Variants in MRPL58 observed in about 807,000 individuals in gnomAD.
MRPL58 encodes mitochondrial ribosomal protein L58.
MRPL58 carries 17 observed loss-of-function variants against 26.0 expected under a neutral mutation model. That is an observed-to-expected ratio of 0.65 (90% CI 0.45 to 0.98). MRPL58 has a LOEUF of 0.98. MRPL58 is among the 50% of genes least tolerant of loss of function. The pLI, the probability that MRPL58 is intolerant of heterozygous loss-of-function variation, is 0.00. For missense variants in MRPL58, 250 were observed against 269.0 expected (o/e 0.93, Z 0.49); for synonymous variants, 100 against 99.7 (o/e 1.00, Z -0.02).
At position 75,017,096 on chromosome 17, in the gene MRPL58, G is replaced by A. The variant is rs770089302; in HGVS notation, c.205G>A (p.Asp69Asn). ...WRVPNGAKQADSDIPLDRLTI... is the reference protein window; with the variant it reads ...WRVPNGAKQANSDIPLDRLTI... ...ATTACAGAATGGTGCAAAGCAAGCC[G>A]ACAGTGACATCCCTCTAGGTAAGTA... is the stretch of plus-strand genomic sequence containing the variant. The change falls in exon 2 of 6, where the codon GAC becomes AAC. Residue 69 changes from aspartate to asparagine, a missense_variant. Asp to Asn is a conservative substitution (Grantham distance 23, BLOSUM62 1). Transcript: ENST00000301585. 9.1e-5 allele frequency: 146 copies of A among 1,612,748 alleles called. 1 individual carries two copies. In the South Asian group the frequency reaches 1.4e-3, roughly 15 times the overall value.
At chr17:75,018,116 G>C (rs1275039850) in intron 2 of MRPL58, among the ~76,000 whole-genome samples, 1 of 142,366 alleles carries the variant, frequency 7.0e-6, no homozygotes, top group African/African-American at 2.6e-5. Context: ...TGAGTGTAGA[G>C]CTCTTGACAT....
chr17:75,019,912 T>C (rs956931728), intron 3 of MRPL58, among the ~76,000 whole-genome samples, 153 bp downstream of exon 3: 4 of 152,202 alleles, frequency 2.6e-5, no homozygotes, highest in Non-Finnish European at 5.9e-5. Flanking sequence ...TTCTTTTGAA[T>C]GTGGTCTGAT....
At chr17:75,013,786 A>C (rs982184973) in intron 1 of MRPL58, among the ~76,000 whole-genome samples, 2 of 152,230 alleles carry the variant, frequency 1.3e-5, no homozygotes, top group Admixed American at 1.3e-4. Context: ...ACCTGAAGGC[A>C]GTAGCAATCC....
intron 1 of MRPL58, among the ~76,000 whole-genome samples, chr17:75,013,810 AG>A (rs565697717): frequency 1.4e-3 from 211 of 152,344 alleles, no homozygotes; most frequent in Middle Eastern, 3.4e-3. Flanking sequence ...GGTGTGGCTC[AG>A]CAGGGGTCAG....
rs1276879724 is a variant in MRPL58, at chr17:75,021,183, C to T, written c.*178C>T. On this transcript the variant is annotated 3_prime_UTR_variant, in exon 6 of 6. Transcript: ENST00000301585. ...GAAGGCTGCAGGCACTGGTTGCAGACGTCTTTATAGGCAGTCACCATGTTG... is the reference window on the plus strand; with the variant it reads ...GAAGGCTGCAGGCACTGGTTGCAGATGTCTTTATAGGCAGTCACCATGTTG... 8.4e-6 allele frequency: 5 copies of T among 595,826 alleles called. No individual in the cohort carries two copies. The highest frequency in any genetic ancestry group is 1.2e-5 in the Non-Finnish European group (4 of 327,176). The allele number at this position is 595,826 out of a possible 1,614,324, so 36.9% of individuals were successfully genotyped here.
intron 1 of MRPL58, 101 bp downstream of exon 1, chr17:75,012,973 G>A (rs965218524): frequency 2.7e-5 from 30 of 1,115,060 alleles, no homozygotes; most frequent in Admixed American, 5.6e-5. Context: ...ACGTCGGGGG[G>A]CTACGTGATG....
chr17:75,019,928 G>C (rs566020024), intron 3 of MRPL58, among the ~76,000 whole-genome samples, 169 bp downstream of exon 3: 2 of 152,256 alleles, frequency 1.3e-5, no homozygotes, highest in African/African-American at 4.8e-5. Context: ...CTGATTCTCA[G>C]ACATTCAGCT....
chr17:75,020,546 A>G lies in MRPL58; in HGVS notation c.425A>G (p.Tyr142Cys), dbSNP rs2040008741. ...ATCCTCACCTCTGAGAGCAGCCGCT[A>G]TCAGTTCCGGAATCTGGCAGATTGC... is the stretch of plus-strand genomic sequence containing the variant. ...ELILTSESSR[Y>C]QFRNLADCLQ... Residue 142 changes from tyrosine to cysteine, a missense_variant, in exon 5 of 6, where the codon TAT becomes TGT. Physicochemically the swap from Tyr to Cys is radical, Grantham distance 194. Transcript: ENST00000301585. The G allele has an allele frequency of 5.0e-6, 8 of 1,613,754 alleles. No individual in the cohort carries two copies. In the East Asian group the frequency reaches 1.1e-4, roughly 22 times the overall value.
At chr17:75,016,255 A>G (rs1474341738) in intron 1 of MRPL58, among the ~76,000 whole-genome samples, 1 of 151,656 alleles carries the variant, frequency 6.6e-6, no homozygotes, top group African/African-American at 2.4e-5. Flanking sequence ...AATACAAAAA[A>G]AAAAAACAAC....
At chr17:75,017,040 G>A in intron 1 of MRPL58, 38 bp from the exon 2 acceptor site, 6 of 1,548,506 alleles carry the variant, frequency 3.9e-6, no homozygotes, top group Non-Finnish European at 5.4e-6. Flanking sequence ...TCACCCAGCA[G>A]GTAATATTTA....
intron 1 of MRPL58, among the ~76,000 whole-genome samples, chr17:75,013,488 C>T (rs1361370017): frequency 2.6e-5 from 4 of 152,154 alleles, no homozygotes; most frequent in Non-Finnish European, 5.9e-5. Context: ...GAGTAGCAAA[C>T]AAAATTGAAA....
intron 1 of MRPL58, 22 bp downstream of exon 1, chr17:75,012,894 G>A: frequency 1.3e-6 from 2 of 1,591,064 alleles, no homozygotes; most frequent in Non-Finnish European, 1.7e-6. Context: ...AGGACTGGAC[G>A]GAAGGGGCGT....
At chr17:75,019,586 GT>G (rs1314676465) in intron 2 of MRPL58, 113 bp from the exon 3 acceptor site, 1 of 1,018,336 alleles carries the variant, frequency 9.8e-7, no homozygotes, top group Non-Finnish European at 1.5e-6. Flanking sequence ...ACTTCTTGCA[GT>G]TTTTGAAATT....
chr17:75,016,635 CAG>C lies in MRPL58; in HGVS notation c.187-442_187-441del, dbSNP rs377588793. On this transcript the variant is annotated intron_variant, in intron 1 of 5. Transcript: ENST00000301585. ...GAGTAGTTAGTTTGACAGAAACCCT[CAG>C]GGTGCAATTATAGTCACTGTCCAAG... 5.2e-3 allele frequency among the ~76,000 whole-genome samples: 789 copies of C among 152,330 alleles called. 4 individuals are homozygous for C. The highest frequency in any genetic ancestry group is 0.02 in the Middle Eastern group (6 of 294).
Position 75,012,674 on chromosome 17 carries a change from G to C in MRPL58, c.-13G>C. Reference sequence around the variant, plus strand: ...GAGGAAGCGCCCGCCGGAAGCAGTCGCAAGACCTGAGCATGGCGGCCACCA... The same window carrying C: ...GAGGAAGCGCCCGCCGGAAGCAGTCCCAAGACCTGAGCATGGCGGCCACCA... On this transcript the variant is annotated 5_prime_UTR_variant, in exon 1 of 6. Coordinates refer to ENST00000301585, the MANE Select transcript of MRPL58 (RefSeq NM_001545.3). 2 of 1,529,398 alleles carry C rather than the reference G, an allele frequency of 1.3e-6. No individual in the cohort carries two copies. The highest frequency in any genetic ancestry group is 1.8e-6 in the Non-Finnish European group (2 of 1,142,670). The allele number at this position is 1,529,398 out of a possible 1,614,324, so 94.7% of individuals were successfully genotyped here. A position where few individuals can be genotyped will look rare whatever the true frequency, so the allele number is the denominator to read the frequency against.
Position 75,020,972 on chromosome 17 carries a change from T to C in MRPL58, c.588T>C (p.Ala196=). 1 of 1,614,080 alleles carries C rather than the reference T, an allele frequency of 6.2e-7. No individual in the cohort carries two copies. The highest frequency in any genetic ancestry group is 8.5e-7 in the Non-Finnish European group (1 of 1,179,932). Residue 196 remains alanine (A), a synonymous_variant, in exon 6 of 6, where the codon GCT becomes GCC. Coordinates refer to ENST00000301585, the MANE Select transcript of MRPL58 (RefSeq NM_001545.3). ...TGAGACAAAAGAGAATTCATTCTGC[T>C]GTAAAGACAAGCAGGAGGGTCGACA... is the stretch of plus-strand genomic sequence containing the variant. ...ERLRQKRIHS[A]VKTSRRVDMD is the part of the protein sequence containing the mutation.
chr17:75,013,018 C>T (rs993256515), intron 1 of MRPL58, 146 bp downstream of exon 1: 5 of 728,366 alleles, frequency 6.9e-6, no homozygotes, highest in Middle Eastern at 7.0e-4. Context: ...TCTGCGCTAA[C>T]CTGGCCGGGA....
chr17:75,020,301 T>C lies in MRPL58; in HGVS notation c.284-12T>C. ...TCAGGCACCCATGCTCCCTTCTCCC[T>C]TTCCTCCACAGTGAATTCCAAGGCA... On this transcript the variant is annotated splice_polypyrimidine_tract_variant and intron_variant, in intron 3 of 5. Coordinates refer to ENST00000301585, the MANE Select transcript of MRPL58 (RefSeq NM_001545.3). The C allele has an allele frequency of 6.2e-7, 1 of 1,612,014 alleles. No individual in the cohort carries two copies.
chr17:75,014,027 A>G (rs370075436), intron 1 of MRPL58, among the ~76,000 whole-genome samples: 6 of 152,208 alleles, frequency 3.9e-5, no homozygotes, highest in African/African-American at 1.4e-4. Flanking sequence ...AGGAGATTGC[A>G]ATGTAGGGCA....
Sources: allele counts gnomAD v4.1 joint callset (sites outside exome capture counted in the v4.1 genomes callset), GRCh38; gene constraint gnomAD v4.1.1; transcripts MANE v1.5; gene names NCBI Gene and HGNC (gene_info 2026-07-23, HGNC 2026-07-21).